Variants in DPYD observed in about 807,000 individuals in gnomAD.
DPYD encodes dihydropyrimidine dehydrogenase.
In DPYD, 109 loss-of-function variants were observed where a neutral mutation model predicts 116.2. The observed-to-expected ratio is 0.94, with a 90% CI of 0.80 to 1.10. The LOEUF is 1.10. Ranked by LOEUF, DPYD falls within the 50% of genes least tolerant of loss-of-function variation. The pLI is 0.00. For synonymous variants in DPYD, 440 were observed against 432.0 expected (o/e 1.02, Z -0.23); for missense variants, 1,302 against 1,254.5 (o/e 1.04, Z -0.57).
At chr1:97,626,955 T>A (rs1205104777) in intron 8 of DPYD, among the ~76,000 whole-genome samples, 1 of 151,958 alleles carries the variant, frequency 6.6e-6, no homozygotes, top group Admixed American at 6.6e-5. Context: ...ATAGACTGCG[T>A]GACTTATAAA....
chr1:97,297,887 T>C (rs1666627219), intron 18 of DPYD, among the ~76,000 whole-genome samples: 1 of 152,214 alleles, frequency 6.6e-6, no homozygotes, highest in African/African-American at 2.4e-5. Flanking sequence ...GGACTAGTGA[T>C]ATCCATAAAT....
In DPYD at chr1:97,756,604, C is replaced by T. The variant is rs115053555; in HGVS notation, c.234-16125G>A. Among the ~76,000 whole-genome samples the T allele has an allele frequency of 2.8e-3, 421 of 151,946 alleles. 3 individuals are homozygous for T. Among genetic ancestry groups the T allele is most frequent in the African/African-American group, 9.4e-3 (388 of 41,452 alleles). Reference sequence around the variant, plus strand: ...TTCATTAAGCTGTGAAATTTCTCACCTGCTCCCTACTTGGTATTTTTTTAA... The same window carrying T: ...TTCATTAAGCTGTGAAATTTCTCACTTGCTCCCTACTTGGTATTTTTTTAA... On this transcript the variant is annotated intron_variant, in intron 3 of 22. Coordinates refer to ENST00000370192, the MANE Select transcript of DPYD (RefSeq NM_000110.4).
intron 8 of DPYD, among the ~76,000 whole-genome samples, chr1:97,634,478 G>A (rs906543031): frequency 6.6e-6 from 1 of 152,030 alleles, no homozygotes; most frequent in African/African-American, 2.4e-5. Flanking sequence ...CAACAGATTT[G>A]AAGAAAATAA....
intron 8 of DPYD, among the ~76,000 whole-genome samples, chr1:97,669,511 T>A (rs1233447992): frequency 6.6e-6 from 1 of 152,166 alleles, no homozygotes; most frequent in African/African-American, 2.4e-5. Context: ...GAAGAAAAAC[T>A]GATTTGATAT....
At chr1:97,546,781 G>T in intron 12 of DPYD, 1 of 1,613,082 alleles carries the variant, frequency 6.2e-7, no homozygotes, top group Non-Finnish European at 8.5e-7. Context: ...TCTGAGATCA[G>T]ACTCCTATAT....
chr1:97,461,037 G>GAAAA (rs374512056), intron 13 of DPYD, among the ~76,000 whole-genome samples: 1 of 117,200 alleles, frequency 8.5e-6, no homozygotes, highest in African/African-American at 3.2e-5. Flanking sequence ...AACTCCATCT[G>GAAAA]AAAAAAAAAA....
chr1:97,154,495 G>C (rs747989510), intron 20 of DPYD, among the ~76,000 whole-genome samples: 8 of 152,044 alleles, frequency 5.3e-5, no homozygotes, highest in South Asian at 2.1e-4. Flanking sequence ...AGTGGCTCAC[G>C]ACTGTAATCC....
chr1:97,440,313 G>A lies in DPYD; in HGVS notation c.1905+9746C>T, dbSNP rs551042962. Among the ~76,000 whole-genome samples the A allele has an allele frequency of 4.1e-4, 61 of 150,414 alleles. 1 individual carries two copies. In the South Asian group the frequency reaches 0.011, roughly 26 times the overall value. On this transcript the variant is annotated intron_variant, in intron 14 of 22. Transcript: ENST00000370192. Reference sequence around the variant, plus strand: ...GTGAAAATCTCTGCCCTTTAATTGCGGTGCTTAGACCATTTACATTTTTCA... The same window carrying A: ...GTGAAAATCTCTGCCCTTTAATTGCAGTGCTTAGACCATTTACATTTTTCA...
At chr1:97,794,389 A>G (rs1469868837) in intron 3 of DPYD, among the ~76,000 whole-genome samples, 3 of 152,222 alleles carry the variant, frequency 2.0e-5, no homozygotes, top group Non-Finnish European at 2.9e-5. Context: ...AAAAATAAAC[A>G]AATGTCCTAA....
At chr1:97,700,335 T>G (rs1349162896) in intron 5 of DPYD, 1 of 453,120 alleles carries the variant, frequency 2.2e-6, no homozygotes, top group African/African-American at 2.0e-5. Context: ...AGAGTGAGAT[T>G]AATTCTTAAA....
At chr1:97,185,204 T>C (rs1244032014) in intron 20 of DPYD, among the ~76,000 whole-genome samples, 1 of 152,116 alleles carries the variant, frequency 6.6e-6, no homozygotes, top group East Asian at 1.9e-4. Context: ...CAGAGTAAGA[T>C]ACATGGAAGG....
At chr1:97,708,668 T>C (rs1000981630) in intron 5 of DPYD, among the ~76,000 whole-genome samples, 2 of 152,052 alleles carry the variant, frequency 1.3e-5, no homozygotes, top group African/African-American at 2.4e-5. Flanking sequence ...TCAATATCTA[T>C]AAAATAGTTT....
At chr1:97,654,099 C>A (rs550537103) in intron 8 of DPYD, among the ~76,000 whole-genome samples, 1 of 152,084 alleles carries the variant, frequency 6.6e-6, no homozygotes, top group African/African-American at 2.4e-5. Context: ...CAAAAATTAA[C>A]GAGTTAAGTA....
chr1:97,305,587 A>C (rs554163649), intron 17 of DPYD, among the ~76,000 whole-genome samples: 4 of 152,002 alleles, frequency 2.6e-5, no homozygotes, highest in Non-Finnish European at 5.9e-5. Context: ...TTACTTTCTC[A>C]AATATTATAC....
intron 13 of DPYD, among the ~76,000 whole-genome samples, chr1:97,450,776 T>A (rs918823253): frequency 6.6e-6 from 1 of 152,084 alleles, no homozygotes; most frequent in Non-Finnish European, 1.5e-5. Context: ...GGATTATAAC[T>A]ATATATTCAC....
At chr1:97,296,980 TG>T (rs570271109) in intron 18 of DPYD, among the ~76,000 whole-genome samples, 3 of 152,116 alleles carry the variant, frequency 2.0e-5, no homozygotes, top group African/African-American at 7.2e-5. Context: ...TTGCAAAACA[TG>T]GGGGATTATG....
chr1:97,730,847 A>C (rs1358743108), intron 4 of DPYD, among the ~76,000 whole-genome samples: 3 of 152,194 alleles, frequency 2.0e-5, no homozygotes, highest in African/African-American at 4.8e-5. Context: ...TACAAATACA[A>C]AAACAAAGAT....
chr1:97,600,077 A>G (rs1424545786), intron 8 of DPYD, among the ~76,000 whole-genome samples: 1 of 151,674 alleles, frequency 6.6e-6, no homozygotes, highest in African/African-American at 2.4e-5. Context: ...AAACAAATGG[A>G]CAATGCTCTA....
intron 14 of DPYD, among the ~76,000 whole-genome samples, chr1:97,443,772 G>A (rs970378083): frequency 6.6e-6 from 1 of 152,182 alleles, no homozygotes; most frequent in African/African-American, 2.4e-5. Flanking sequence ...AGTTGTCTGA[G>A]TGACAAAAAT....
Sources: allele counts gnomAD v4.1 joint callset (sites outside exome capture counted in the v4.1 genomes callset), GRCh38; gene constraint gnomAD v4.1.1; transcripts MANE v1.5; gene names NCBI Gene and HGNC (gene_info 2026-07-23, HGNC 2026-07-21).